The following GNA14 variants were observed in gnomAD, a reference collection of about 807,000 sequenced individuals.
The protein encoded by GNA14 is guanine nucleotide-binding protein subunit alpha-14.
Under a neutral mutation model 42.0 loss-of-function variants are expected in GNA14, and 50 were observed. The ratio of observed to expected loss-of-function variants is 1.19; its 90% CI spans 0.95 to 1.51. GNA14 has a LOEUF of 1.51. Ranked by LOEUF, GNA14 falls within the 40% of genes most tolerant of loss-of-function variation. GNA14 has a pLI of 0.00. For missense variants in GNA14, 473 were observed against 446.2 expected, an observed-to-expected ratio of 1.06 and a Z score of -0.54; for synonymous variants, 173 against 163.1, an observed-to-expected ratio of 1.06 and a Z score of -0.46.
At chr9:77,633,906 T>G (rs188973984) in intron 1 of GNA14, among the ~76,000 whole-genome samples, 24 of 152,296 alleles carry the variant, frequency 1.6e-4, no homozygotes, top group Non-Finnish European at 2.6e-4. Flanking sequence ...CTGATTAAAG[T>G]ACCCAGAATA....
chr9:77,616,045 A>T (rs1823810329), intron 1 of GNA14, among the ~76,000 whole-genome samples: 1 of 152,162 alleles, frequency 6.6e-6, no homozygotes, highest in South Asian at 2.1e-4. Flanking sequence ...TCTTTGCAAT[A>T]GGATAGGATG....
At chr9:77,429,864 A>G (rs1315774899) in intron 4 of GNA14, among the ~76,000 whole-genome samples, 1 of 152,162 alleles carries the variant, frequency 6.6e-6, no homozygotes, top group Non-Finnish European at 1.5e-5. Flanking sequence ...AAGTGAGCCA[A>G]AGAAAATACA....
intron 2 of GNA14, among the ~76,000 whole-genome samples, chr9:77,472,958 T>C (rs868784020): frequency 6.6e-6 from 1 of 152,218 alleles, no homozygotes; most frequent in South Asian, 2.1e-4. Context: ...ATGTCTGTTG[T>C]ATAAGTCACC....
At chr9:77,476,995 G>A (rs1312432972) in intron 2 of GNA14, among the ~76,000 whole-genome samples, 1 of 152,186 alleles carries the variant, frequency 6.6e-6, no homozygotes, top group Non-Finnish European at 1.5e-5. Flanking sequence ...TCAGGATTCT[G>A]TAATTTGCTC....
rs1837277168 is a variant in GNA14 at position 77,517,581 on chromosome 9, G to T, written c.309+11488C>A. On this transcript the variant is annotated intron_variant, in intron 2 of 6. Transcript: ENST00000341700. ...TATGTGTATTTCTGGTGCTTATCCT[G>T]GTACTTTTCTTTTTTTTTTTTTTTT... The T allele has an allele frequency of 2.6e-5, 3 of 113,650 alleles. No homozygotes were observed. In the South Asian group the frequency reaches 7.9e-4, roughly 30 times the overall value. The allele number at this position is 113,650 out of a possible 1,614,324, so 7.0% of individuals were successfully genotyped here. A position where few individuals can be genotyped will look rare whatever the true frequency, so the allele number is the denominator to read the frequency against.
chr9:77,458,294 AG>A (rs5898541), intron 2 of GNA14, among the ~76,000 whole-genome samples: 78,025 of 151,842 alleles, frequency 0.51, 20,535 homozygotes, highest in East Asian at 0.81. Context: ...CACAGCTTTG[AG>A]GGGGGAAAAG....
chr9:77,538,095 A>ATTTTTTTTTTTTT, intron 1 of GNA14, among the ~76,000 whole-genome samples: 1 of 148,692 alleles, frequency 6.7e-6, no homozygotes, highest in Non-Finnish European at 1.5e-5. Flanking sequence ...TAAAGAGACA[A>ATTTTTTTTTTTTT]GGTTTCATTC....
intron 1 of GNA14, among the ~76,000 whole-genome samples, chr9:77,551,517 C>A (rs1464047385): frequency 6.6e-6 from 1 of 151,668 alleles, no homozygotes; most frequent in African/African-American, 2.4e-5. Flanking sequence ...TCACCCACCC[C>A]CCCTTCAAGT....
intron 1 of GNA14, among the ~76,000 whole-genome samples, chr9:77,631,861 G>T (rs1230077844): frequency 1.3e-5 from 2 of 152,186 alleles, no homozygotes; most frequent in Admixed American, 6.5e-5. Flanking sequence ...CGTGGCTGGG[G>T]CTGCATGTTC....
intron 1 of GNA14, among the ~76,000 whole-genome samples, chr9:77,622,700 C>A (rs1823947323): frequency 7.2e-6 from 1 of 138,798 alleles, no homozygotes; most frequent in South Asian, 2.3e-4. Context: ...TCCTGGCTAA[C>A]ATGGTGAAAA....
chr9:77,525,570 G>A (rs1288587037), intron 2 of GNA14, among the ~76,000 whole-genome samples: 12 of 147,270 alleles, frequency 8.1e-5, no homozygotes, highest in Non-Finnish European at 1.2e-4. Context: ...ATGGAGTCTC[G>A]CTCTGTTGCC....
At chr9:77,488,236 G>T (rs1345034609) in intron 2 of GNA14, among the ~76,000 whole-genome samples, 1 of 152,108 alleles carries the variant, frequency 6.6e-6, no homozygotes, top group African/African-American at 2.4e-5. Flanking sequence ...CCATATCCTT[G>T]ATTCTGCTGT....
chr9:77,437,526 A>C (rs1835657811), intron 2 of GNA14, among the ~76,000 whole-genome samples: 1 of 151,450 alleles, frequency 6.6e-6, no homozygotes, highest in Admixed American at 6.6e-5. Flanking sequence ...GGGCAACAGA[A>C]TGAGACCCTG....
chr9:77,640,871 C>CAAAAAAAAAAAAAAAAAAAAA (rs1178043976), intron 1 of GNA14, among the ~76,000 whole-genome samples: 2 of 27,370 alleles, frequency 7.3e-5, no homozygotes, highest in African/African-American at 1.2e-4. Context: ...ATAAAATGCT[C>CAAAAAAAAAAAAAAAAAAAAA]AAAAAAAAAA....
chr9:77,601,135 C>G lies in GNA14; in HGVS notation c.124+46535G>C, dbSNP rs531774260. ...GGTATTCAATCTGTGAGGTGGGAGC[C>G]CTTGGCAGGAACCCCTCTTGCTTTG... On this transcript the variant is annotated intron_variant, in intron 1 of 6. Coordinates refer to ENST00000341700, the MANE Select transcript of GNA14 (RefSeq NM_004297.4). Among the ~76,000 whole-genome samples, 43 of 152,150 alleles carry G rather than the reference C, an allele frequency of 2.8e-4. 1 individual carries two copies. The highest frequency in any genetic ancestry group is 6.2e-4 in the Non-Finnish European group (42 of 68,018).
chr9:77,551,427 T>C (rs1191035824), intron 1 of GNA14, among the ~76,000 whole-genome samples: 1 of 152,148 alleles, frequency 6.6e-6, no homozygotes, highest in Non-Finnish European at 1.5e-5. Flanking sequence ...TTGGCCACCA[T>C]GAAGTACATC....
At chr9:77,455,006 C>T (rs1168576414) in intron 2 of GNA14, among the ~76,000 whole-genome samples, 2 of 152,180 alleles carry the variant, frequency 1.3e-5, no homozygotes, top group African/African-American at 4.8e-5. Flanking sequence ...TGAAACAATA[C>T]CTTTTGATGA....
At chr9:77,593,856 T>A (rs970526611) in intron 1 of GNA14, among the ~76,000 whole-genome samples, 1 of 152,238 alleles carries the variant, frequency 6.6e-6, no homozygotes, top group African/African-American at 2.4e-5. Flanking sequence ...CAAATGTGCA[T>A]GTAGTTTTAA....
intron 2 of GNA14, among the ~76,000 whole-genome samples, chr9:77,497,487 C>A (rs1429641710): frequency 6.6e-6 from 1 of 152,170 alleles, no homozygotes; most frequent in Non-Finnish European, 1.5e-5. Flanking sequence ...GAGCTTCAGA[C>A]CTAGCAGGGC....
Sources: gnomAD v4.1 joint callset for allele counts (sites outside exome capture counted in the v4.1 genomes callset) on GRCh38, gnomAD v4.1.1 for gene constraint, MANE v1.5 for transcripts, NCBI Gene and HGNC (gene_info 2026-07-23, HGNC 2026-07-21) for gene names.